Variants in ECPAS observed in about 807,000 individuals in gnomAD.
ECPAS encodes the protein Ecm29 proteasome adaptor and scaffold.
A neutral mutation model predicts 255.1 loss-of-function variants in ECPAS; 70 were observed. The ratio of observed to expected loss-of-function variants is 0.27; its 90% confidence interval spans 0.23 to 0.33. ECPAS has a LOEUF of 0.33. ECPAS is among the 10% of genes least tolerant of loss of function. The probability of loss-of-function intolerance (pLI) is 1.00; values close to 1 mark genes in which losing one functional copy is unlikely to be tolerated. For missense variants in ECPAS, 1,817 were observed against 2,206.4 expected (o/e 0.82, Z 3.54); for synonymous variants, 784 against 775.0 (o/e 1.01, Z -0.19).
At chr9:111,372,708 G>C in intron 41 of ECPAS, 88 bp from the exon 42 acceptor site, 1 of 1,017,762 alleles carries the variant, frequency 9.8e-7, no homozygotes, top group East Asian at 2.6e-5. Flanking sequence ...TCATATAATA[G>C]CAAAACAAAC....
rs926804184 is a variant in ECPAS at position 111,361,481 on chromosome 9, A to C, written c.*549T>G. 6.6e-6 allele frequency: 1 copy of C among 152,294 alleles called. No homozygotes were observed. Among genetic ancestry groups the C allele is most frequent in the Non-Finnish European group, 1.5e-5 (1 of 68,116 alleles). 9.4% of individuals were successfully genotyped at this position (152,294 alleles called of 1,614,324 possible). A position where few individuals can be genotyped will look rare whatever the true frequency, so the allele number is the denominator to read the frequency against. ...CACCCTAAACGTACCTCATCTTGGA[A>C]GTTTCTTGGGTAAGCCGGGGTTAGC... On this transcript the variant is annotated 3_prime_UTR_variant, in exon 50 of 50. Transcript: ENST00000684092.
chr9:111,425,368 A>C lies in ECPAS; in HGVS notation c.1215+50T>G, dbSNP rs773411363. The C allele has an allele frequency of 1.0e-5, 12 of 1,188,176 alleles. No homozygotes were observed. In the African/African-American group the frequency reaches 1.9e-4, roughly 19 times the overall value. The allele number at this position is 1,188,176 out of a possible 1,614,324, so 73.6% of individuals were successfully genotyped here. ...TGACAGACCAGAAATATTATAGAAAATACTTTAAGATATAAAATGTTGATA... is the reference window on the plus strand; with the variant it reads ...TGACAGACCAGAAATATTATAGAAACTACTTTAAGATATAAAATGTTGATA... On this transcript the variant is annotated intron_variant, in intron 12 of 49. Transcript: ENST00000684092.
At chr9:111,449,502 T>C (rs772993468) in intron 3 of ECPAS, among the ~76,000 whole-genome samples, 74 of 152,210 alleles carry the variant, frequency 4.9e-4, no homozygotes, top group Middle Eastern at 6.8e-3. Flanking sequence ...ATAAAATTTA[T>C]TTTTTTAAAA....
At position 111,445,554 on chromosome 9, in the gene ECPAS, T is replaced by G. The variant is rs116891372; in HGVS notation, c.154-1060A>C. Among the ~76,000 whole-genome samples the G allele has an allele frequency of 5.6e-3, 850 of 152,182 alleles. 5 individuals carry two copies. Among genetic ancestry groups the G allele is most frequent in the Middle Eastern group, 0.014 (4 of 294 alleles). On this transcript the variant is annotated intron_variant, in intron 3 of 49. Transcript: ENST00000684092. ...GCAGAGTATCAGTTATAAGAAGGTA[T>G]GGGGCACACTGCATCTGACTGAAGC...
At chr9:111,376,408 G>A (rs2098133403) in intron 37 of ECPAS, 68 bp downstream of exon 37, 2 of 1,278,942 alleles carry the variant, frequency 1.6e-6, no homozygotes, top group East Asian at 5.0e-5. Context: ...AACATAGCCT[G>A]AAGACTTTGA....
Position 111,394,228 on chromosome 9 carries a change from C to T in ECPAS, c.2854G>A (p.Val952Met), listed in dbSNP as rs201479552. 20 of 1,609,142 alleles carry T rather than the reference C, an allele frequency of 1.2e-5. No homozygotes were observed. In the East Asian group the frequency reaches 3.6e-4, roughly 29 times the overall value. ...AGCCAGATGCAGGCTGCTTGCCTCA[C>T]GTGTGGGTTGGGGCTGATGATATGT... ...NKHIISPNPHVRQAACIWLLS... is the reference protein window; with the variant it reads ...NKHIISPNPHMRQAACIWLLS... Residue 952 changes from valine (V) to methionine (M), a missense_variant, in exon 26 of 50, where the codon GTG becomes ATG. By Grantham distance (21) the Val-to-Met change is conservative. This residue lies in a region of ECPAS where 960 missense variants were observed against 1,179.0 expected (regional missense o/e 0.81). Transcript: ENST00000684092.
chr9:111,450,023 T>C, intron 3 of ECPAS, among the ~76,000 whole-genome samples: 1 of 152,212 alleles, frequency 6.6e-6, no homozygotes, highest in East Asian at 1.9e-4. Flanking sequence ...AAATATATTC[T>C]TTCATAAGAA....
chr9:111,382,048 C>T (rs1462550016), intron 35 of ECPAS, among the ~76,000 whole-genome samples: 5 of 150,642 alleles, frequency 3.3e-5, no homozygotes, highest in Non-Finnish European at 7.4e-5. Flanking sequence ...CACAAAGAAT[C>T]CTTCCTAGGC....
In ECPAS at chr9:111,421,954, G is replaced by C; in HGVS notation, c.1422C>G (p.Leu474=). Reference sequence around the variant, plus strand: ...AGTACGAAGCCACAAGTGCCTCCATGAGAGTTCGCTGTGCCCCTTCCAAAG... The same window carrying C: ...AGTACGAAGCCACAAGTGCCTCCATCAGAGTTCGCTGTGCCCCTTCCAAAG... ...YSTLEGAQRT[L]MEALVASYLI... Residue 474 remains leucine, a synonymous_variant, in exon 15 of 50, where the codon CTC becomes CTG. Transcript: ENST00000684092. 1 of 1,613,668 alleles carries C rather than the reference G, an allele frequency of 6.2e-7. No homozygotes were observed. Among genetic ancestry groups the C allele is most frequent in the Non-Finnish European group, 8.5e-7 (1 of 1,179,754 alleles).
chr9:111,414,422 T>A lies in ECPAS; in HGVS notation c.1987+7A>T. 1 of 1,611,930 alleles carries A rather than the reference T, an allele frequency of 6.2e-7. No homozygotes were observed. The highest frequency in any genetic ancestry group is 1.3e-5 in the African/African-American group (1 of 75,032). On this transcript the variant is annotated splice_region_variant and intron_variant, in intron 19 of 49. Transcript: ENST00000684092. Reference sequence around the variant, plus strand: ...CAGTATCTTTCCTTCGCGTCACATATTCCTACCTCCAACACCTGCTAACAG... The same window carrying A: ...CAGTATCTTTCCTTCGCGTCACATAATCCTACCTCCAACACCTGCTAACAG...
intron 9 of ECPAS, 111 bp downstream of exon 9, chr9:111,430,436 G>A: frequency 1.4e-6 from 1 of 732,932 alleles, no homozygotes; most frequent in South Asian, 1.6e-5. Context: ...CTAGCATTTT[G>A]TTATAGCACA....
intron 24 of ECPAS, among the ~76,000 whole-genome samples, chr9:111,400,758 T>C: frequency 1.3e-5 from 2 of 151,952 alleles, no homozygotes; most frequent in Non-Finnish European, 2.9e-5. Context: ...AAGAATGAGA[T>C]ACACTTACAA....
chr9:111,363,648 A>G lies in ECPAS; in HGVS notation c.5320T>C (p.Tyr1774His). The G allele has an allele frequency of 6.6e-7, 1 of 1,521,394 alleles. No individual in the cohort carries two copies. Among genetic ancestry groups the G allele is most frequent in the Non-Finnish European group, 8.9e-7 (1 of 1,121,450 alleles). 94.2% of individuals were successfully genotyped at this position (1,521,394 alleles called of 1,614,324 possible). A position where few individuals can be genotyped will look rare whatever the true frequency, so the allele number is the denominator to read the frequency against. Residue 1774 changes from tyrosine to histidine, a missense_variant, in exon 49 of 50, where the codon TAC becomes CAC. Transcript: ENST00000684092. ...AAAGCTTCTGTTCTCACAGATGAGT[A>G]GGTCTTATTTTCTAAAAAGAAATAT... is the stretch of plus-strand genomic sequence containing the variant. ...SITYSLENKT[Y>H]SSVRTEALSV...
chr9:111,429,411 A>G (rs1234146719), intron 9 of ECPAS, among the ~76,000 whole-genome samples: 2 of 152,214 alleles, frequency 1.3e-5, no homozygotes, highest in Admixed American at 6.5e-5. Context: ...GTACAAAAAG[A>G]AAAGGCCTTC....
chr9:111,467,239 A>C (rs899212780), intron 2 of ECPAS, among the ~76,000 whole-genome samples: 5 of 152,320 alleles, frequency 3.3e-5, no homozygotes, highest in African/African-American at 1.2e-4. Flanking sequence ...AAAAGAAGAG[A>C]TGAGAAAAGA....
intron 3 of ECPAS, among the ~76,000 whole-genome samples, chr9:111,450,446 C>A (rs2098258913): frequency 6.6e-6 from 1 of 152,110 alleles, no homozygotes; most frequent in African/African-American, 2.4e-5. Flanking sequence ...TGCACTGAAC[C>A]CAAATCAGAC....
At chr9:111,429,261 C>T (rs1033302390) in intron 9 of ECPAS, among the ~76,000 whole-genome samples, 2 of 145,560 alleles carry the variant, frequency 1.4e-5, no homozygotes, top group Admixed American at 6.9e-5. Flanking sequence ...GTTTTATTCT[C>T]TTTTTTTTTT....
Position 111,468,085 on chromosome 9 carries a change from G to T in ECPAS, c.22+4812C>A, listed in dbSNP as rs2098281687. ...GAACTGCTTGAACCCAGGAGGCAGA[G>T]GTTGCAGTGAGCCGAGATCACGCCA... On this transcript the variant is annotated intron_variant, in intron 2 of 49. Coordinates refer to ENST00000684092, the MANE Select transcript of ECPAS (RefSeq NM_001364929.1). Among the ~76,000 whole-genome samples, 3 of 152,116 alleles carry T rather than the reference G, an allele frequency of 2.0e-5. No homozygotes were observed. In the South Asian group the frequency reaches 6.2e-4, roughly 32 times the overall value.
chr9:111,411,864 G>T, intron 21 of ECPAS, 150 bp downstream of exon 21: 1 of 635,346 alleles, frequency 1.6e-6, no homozygotes, highest in South Asian at 2.6e-5. Flanking sequence ...CTGAACCAAT[G>T]TATCACCTAT....
Sources: allele counts gnomAD v4.1 joint callset (sites outside exome capture counted in the v4.1 genomes callset), GRCh38; gene constraint gnomAD v4.1.1; regional missense constraint gnomAD v4.1.1; transcripts MANE v1.5; gene names NCBI Gene and HGNC (gene_info 2026-07-23, HGNC 2026-07-21).